COL14A1: variants seen among roughly 807,000 people sequenced by gnomAD.
COL14A1 encodes the protein collagen alpha-1(XIV) chain.
A neutral mutation model predicts 230.3 loss-of-function variants in COL14A1; 136 were observed. That is an observed-to-expected ratio of 0.59 (90% CI 0.51 to 0.68). The LOEUF (loss-of-function observed/expected upper bound fraction) is 0.68, where lower values mean the gene tolerates loss of function less well. COL14A1 is among the 30% of genes least tolerant of loss of function. The pLI is 0.00. For synonymous variants in COL14A1, 792 were observed against 784.1 expected, an observed-to-expected ratio of 1.01 and a Z score of -0.17; for missense variants, 1,976 against 2,215.8, an observed-to-expected ratio of 0.89 and a Z score of 2.17.
chr8:120,232,366 C>T (rs896885982), intron 19 of COL14A1, among the ~76,000 whole-genome samples: 7 of 151,852 alleles, frequency 4.6e-5, no homozygotes, highest in African/African-American at 1.7e-4. Flanking sequence ...TTTGCTGCAC[C>T]CATCAACCCG....
At chr8:120,134,409 T>C (rs1211499806) in intron 1 of COL14A1, among the ~76,000 whole-genome samples, 1 of 152,144 alleles carries the variant, frequency 6.6e-6, no homozygotes, top group Non-Finnish European at 1.5e-5. Context: ...ATTGGACTAA[T>C]TGGATAGACA....
upstream of COL14A1, among the ~76,000 whole-genome samples, chr8:120,124,793 G>T (rs1472641283): frequency 1.3e-5 from 2 of 152,202 alleles, no homozygotes; most frequent in Non-Finnish European, 2.9e-5. Flanking sequence ...ACCTCCCAAA[G>T]AGAGCAGGGG....
In COL14A1 at chr8:120,315,975, G is replaced by A. The variant is rs61733758; in HGVS notation, c.4637G>A (p.Arg1546His). 1,047 of 1,614,050 alleles carry A rather than the reference G, an allele frequency of 6.5e-4. 1 individual carries two copies. The highest frequency in any genetic ancestry group is 8.2e-4 in the Non-Finnish European group (967 of 1,179,968). Residue 1546 changes from arginine (R) to histidine (H), a missense_variant, in exon 40 of 48, where the codon CGT becomes CAT. Coordinates refer to ENST00000297848, the MANE Select transcript of COL14A1 (RefSeq NM_021110.4). ...GIPGGVGSPG[R>H]DGSPGQRGLP... ...CCAGGAGGCGTTGGTTCACCAGGAC[G>A]TGATGGCTCACCAGGCCAGAGGGTA...
chr8:120,305,351 C>A (rs1820827142), intron 36 of COL14A1, among the ~76,000 whole-genome samples: 1 of 152,116 alleles, frequency 6.6e-6, no homozygotes, highest in South Asian at 2.1e-4. Flanking sequence ...TAATAATTTA[C>A]CACCAATATT....
intron 45 of COL14A1, among the ~76,000 whole-genome samples, chr8:120,360,813 G>A (rs971160348): frequency 6.6e-6 from 1 of 152,122 alleles, no homozygotes; most frequent in Non-Finnish European, 1.5e-5. Context: ...TATGTTGTTC[G>A]CCTTCTCCAG....
chr8:120,354,381 T>A (rs1400052979), intron 45 of COL14A1, among the ~76,000 whole-genome samples: 3 of 109,940 alleles, frequency 2.7e-5, no homozygotes, highest in Admixed American at 1.8e-4. Flanking sequence ...CCCTAAAACT[T>A]AAAGTATAAT....
intron 42 of COL14A1, among the ~76,000 whole-genome samples, chr8:120,341,058 A>G (rs183241488): frequency 5.5e-4 from 83 of 152,282 alleles, no homozygotes; most frequent in African/African-American, 2.0e-3. Flanking sequence ...TTACAAAGCA[A>G]TATTATTGCT....
chr8:120,341,463 C>A lies in COL14A1; in HGVS notation c.4821+103C>A. The A allele has an allele frequency of 5.8e-6, 7 of 1,197,184 alleles. No individual in the cohort carries two copies. In the South Asian group the frequency reaches 9.7e-5, roughly 17 times the overall value. 74.2% of individuals were successfully genotyped at this position (1,197,184 alleles called of 1,614,324 possible). On this transcript the variant is annotated intron_variant, in intron 43 of 47. Coordinates refer to ENST00000297848, the MANE Select transcript of COL14A1 (RefSeq NM_021110.4). ...CATTTAATACCATTAATATTCATTGCAATTGTACCAGTCTCTGTTTCTCCC... is the reference window on the plus strand; with the variant it reads ...CATTTAATACCATTAATATTCATTGAAATTGTACCAGTCTCTGTTTCTCCC...
At chr8:120,134,594 GA>G (rs973280203) in intron 1 of COL14A1, among the ~76,000 whole-genome samples, 8 of 151,502 alleles carry the variant, frequency 5.3e-5, no homozygotes, top group East Asian at 1.9e-4. Context: ...AGATAAAAAA[GA>G]AAAAAAATAA....
At chr8:120,216,619 T>C (rs1285136217) in intron 14 of COL14A1, 129 bp downstream of exon 14, 4 of 969,766 alleles carry the variant, frequency 4.1e-6, no homozygotes, top group Admixed American at 5.7e-5. Context: ...GCATAGTTCC[T>C]GTATGTAGGT....
chr8:120,198,018 A>G (rs1324066976), intron 7 of COL14A1, 88 bp downstream of exon 7: 12 of 1,317,064 alleles, frequency 9.1e-6, no homozygotes, highest in Non-Finnish European at 1.3e-5. Context: ...AAGCGTTATC[A>G]TAATGTTTTA....
rs775257589 is a variant in COL14A1, at chr8:120,212,436, T to C, written c.1468-12T>C. 138 of 1,612,342 alleles carry C rather than the reference T, an allele frequency of 8.6e-5. No individual in the cohort carries two copies. The highest frequency in any genetic ancestry group is 1.1e-4 in the Non-Finnish European group (130 of 1,178,928). The stretch of plus-strand genomic sequence containing the variant: ...TATTGGCAAATGATCTAACAACATG[T>C]GTTCTTTTCAGATGAAAATTGGAGA... On this transcript the variant is annotated splice_polypyrimidine_tract_variant and intron_variant, in intron 12 of 47. Coordinates refer to ENST00000297848, the MANE Select transcript of COL14A1 (RefSeq NM_021110.4).
rs148784803 is a variant in COL14A1, at chr8:120,226,648, A to G, written c.1886A>G (p.Tyr629Cys). ...ACAGAGGAAGTTCCAGCCCAGCAAT[A>G]CTTAGAAATTGATGAGGTGACGACA... ...FTTEEVPAQQ[Y>C]LEIDEVTTDS... Residue 629 changes from tyrosine (Y) to cysteine (C), a missense_variant, in exon 16 of 48, where the codon TAC (tyrosine) becomes TGC (cysteine). By Grantham distance (194) the Tyr-to-Cys change is radical. Coordinates refer to ENST00000297848, the MANE Select transcript of COL14A1 (RefSeq NM_021110.4). 2.7e-5 allele frequency: 44 copies of G among 1,613,046 alleles called. No homozygotes were observed. In the African/African-American group the frequency reaches 4.8e-4, roughly 18 times the overall value.
rs550571375 is a variant in COL14A1, at chr8:120,308,788, A to G, written c.4402-1221A>G. On this transcript the variant is annotated intron_variant, in intron 36 of 47. Transcript: ENST00000297848. ...AAATAAACTGGAATCACACAGGGAG[A>G]AAGTTATTCCATTTTCAATGATTTT... 7.9e-5 allele frequency among the ~76,000 whole-genome samples: 12 copies of G among 152,256 alleles called. No individual in the cohort carries two copies. In the East Asian group the frequency reaches 2.3e-3, roughly 29 times the overall value.
At chr8:120,126,449 C>G (rs1814338777) in intron 1 of COL14A1, among the ~76,000 whole-genome samples, 1 of 152,148 alleles carries the variant, frequency 6.6e-6, no homozygotes, top group South Asian at 2.1e-4. Flanking sequence ...TCTCAGAGTC[C>G]CATTACTTCT....
At chr8:120,152,150 C>T (rs7460965) in intron 2 of COL14A1, among the ~76,000 whole-genome samples, 57,988 of 151,796 alleles carry the variant, frequency 0.38, 12,253 homozygotes, top group East Asian at 0.57. Flanking sequence ...ATTATAGTAA[C>T]GATAATCAAC....
intron 20 of COL14A1, among the ~76,000 whole-genome samples, chr8:120,246,304 C>A (rs1818759923): frequency 6.6e-6 from 1 of 151,974 alleles, no homozygotes; most frequent in South Asian, 2.1e-4. Context: ...TATTGTGAGT[C>A]CTTGGAGCTG....
Position 120,156,800 on chromosome 8 carries a change from A to G in COL14A1, c.89-1330A>G, listed in dbSNP as rs547271797. 3.9e-5 allele frequency among the ~76,000 whole-genome samples: 6 copies of G among 152,342 alleles called. No homozygotes were observed. The South Asian group carries it at 1.2e-3, about 32-fold the overall frequency. On this transcript the variant is annotated intron_variant, in intron 2 of 47. Coordinates refer to ENST00000297848, the MANE Select transcript of COL14A1 (RefSeq NM_021110.4). ...ACCTTTTCTAAAAATAAAGAAACTC[A>G]GGTTTTGGAAGAAACAATAACCTGC...
In COL14A1 at chr8:120,214,649, A is replaced by G. The variant is rs988217668; in HGVS notation, c.1598-1702A>G. Among the ~76,000 whole-genome samples the G allele has an allele frequency of 2.0e-5, 3 of 152,240 alleles. No homozygotes were observed. The East Asian group carries it at 5.8e-4, about 29-fold the overall frequency. On this transcript the variant is annotated intron_variant, in intron 13 of 47. Coordinates refer to ENST00000297848, the MANE Select transcript of COL14A1 (RefSeq NM_021110.4). ...GGTCAAATAATTACCCATTGATTCA[A>G]TGAATGTTTATTGAGTACTTGCTAT...
Sources: allele counts gnomAD v4.1 joint callset (sites outside exome capture counted in the v4.1 genomes callset), GRCh38; gene constraint gnomAD v4.1.1; transcripts MANE v1.5; gene names NCBI Gene and HGNC (gene_info 2026-07-23, HGNC 2026-07-21).